Variants in ALKBH5 observed in about 807,000 individuals in gnomAD.
The protein encoded by ALKBH5 is alkB homolog 5, RNA demethylase.
ALKBH5 carries 2 observed loss-of-function variants against 32.1 expected under a neutral mutation model. That is an observed-to-expected ratio of 0.06 (90% confidence interval 0.03 to 0.20). ALKBH5 has a LOEUF of 0.20. Ranked by LOEUF, ALKBH5 falls within the 10% of genes least tolerant of loss-of-function variation. The probability of loss-of-function intolerance (pLI) is 1.00; values close to 1 mark genes in which losing one functional copy is unlikely to be tolerated. For synonymous variants in ALKBH5, 300 were observed against 231.7 expected (o/e 1.29, Z -2.68); for missense variants, 352 against 559.5 (o/e 0.63, Z 3.74).
intron 1 of ALKBH5, among the ~76,000 whole-genome samples, chr17:18,189,490 A>G (rs1393944874): frequency 6.6e-6 from 1 of 152,190 alleles, no homozygotes; most frequent in East Asian, 1.9e-4. Flanking sequence ...CATCTCTGCA[A>G]ATCTCTTTCA....
intron 2 of ALKBH5, among the ~76,000 whole-genome samples, chr17:18,199,534 A>G (rs2047224122): frequency 6.6e-6 from 1 of 152,106 alleles, no homozygotes; most frequent in African/African-American, 2.4e-5. Context: ...TTGAAACTAG[A>G]AGGTATGAAC....
At chr17:18,189,686 A>G (rs1488495987) in intron 1 of ALKBH5, among the ~76,000 whole-genome samples, 1 of 152,236 alleles carries the variant, frequency 6.6e-6, no homozygotes, top group African/African-American at 2.4e-5. Flanking sequence ...CGGGGAAATT[A>G]AGCTTTTTGA....
intron 2 of ALKBH5, among the ~76,000 whole-genome samples, chr17:18,205,615 A>G (rs1487293751): frequency 6.6e-6 from 1 of 152,190 alleles, no homozygotes; most frequent in East Asian, 1.9e-4. Context: ...CGTGACTTGC[A>G]GGATGCATGA....
chr17:18,193,953 A>G (rs1041616464), intron 1 of ALKBH5, among the ~76,000 whole-genome samples: 1 of 152,146 alleles, frequency 6.6e-6, no homozygotes, highest in African/African-American at 2.4e-5. Context: ...TGTGGCTGCC[A>G]TGCTTCCAGT....
chr17:18,206,700 C>T (rs902336009), intron 2 of ALKBH5, 115 bp from the exon 3 acceptor site: 2 of 1,162,102 alleles, frequency 1.7e-6, no homozygotes, highest in East Asian at 4.7e-5. Flanking sequence ...AGAGCAGAGA[C>T]TGCTGGCTTC....
At chr17:18,188,822 A>G (rs976428441) in intron 1 of ALKBH5, among the ~76,000 whole-genome samples, 3 of 152,212 alleles carry the variant, frequency 2.0e-5, no homozygotes, top group Admixed American at 1.3e-4. Flanking sequence ...TAATGCCAGA[A>G]CTTTGGGTGG....
intron 2 of ALKBH5, among the ~76,000 whole-genome samples, chr17:18,204,789 C>T (rs1250386763): frequency 6.6e-6 from 1 of 151,562 alleles, no homozygotes; most frequent in Non-Finnish European, 1.5e-5. Context: ...TGGAGCCGGG[C>T]TTGATGGCTC....
In ALKBH5 at chr17:18,184,425, A is replaced by C; in HGVS notation, c.182A>C (p.Gln61Pro). ...YPVSGAKRKY[Q>P]EDSDPERSDY... ...GTGTCCGGGGCCAAGCGCAAGTATC[A>C]GGAGGACTCGGACCCCGAGCGCAGC... Residue 61 changes from glutamine to proline, a missense_variant, in exon 1 of 4, where the codon CAG (glutamine) becomes CCG (proline). Transcript: ENST00000399138. 3 of 1,591,790 alleles carry C rather than the reference A, an allele frequency of 1.9e-6. No homozygotes were observed. Among genetic ancestry groups the C allele is most frequent in the Non-Finnish European group, 2.6e-6 (3 of 1,169,812 alleles).
chr17:18,198,571 T>C (rs1367100035), intron 2 of ALKBH5, among the ~76,000 whole-genome samples: 1 of 152,212 alleles, frequency 6.6e-6, no homozygotes, highest in Non-Finnish European at 1.5e-5. Context: ...GCATTGAGCC[T>C]GGCCCTGATT....
intron 2 of ALKBH5, among the ~76,000 whole-genome samples, chr17:18,201,778 G>GT (rs2047238395): frequency 9.4e-6 from 1 of 105,864 alleles, no homozygotes; most frequent in Non-Finnish European, 2.2e-5. Context: ...TAGATAGATA[G>GT]ATAGATAGGA....
At chr17:18,189,551 T>A (rs2047161299) in intron 1 of ALKBH5, among the ~76,000 whole-genome samples, 1 of 152,174 alleles carries the variant, frequency 6.6e-6, no homozygotes, top group Non-Finnish European at 1.5e-5. Flanking sequence ...CAAGGCCCCC[T>A]GGACAGGCTT....
chr17:18,192,038 C>G (rs944590331), intron 1 of ALKBH5, among the ~76,000 whole-genome samples: 1 of 152,116 alleles, frequency 6.6e-6, no homozygotes, highest in Non-Finnish European at 1.5e-5. Context: ...AGTCTAGACC[C>G]CCATTCCCCC....
intron 1 of ALKBH5, among the ~76,000 whole-genome samples, chr17:18,191,739 G>A (rs1187557623): frequency 6.6e-6 from 1 of 152,168 alleles, no homozygotes; most frequent in African/African-American, 2.4e-5. Flanking sequence ...GGAGGCCGAG[G>A]TGGGTGGATC....
Position 18,194,135 on chromosome 17 carries a change from CT to C in ALKBH5, c.771-811del, listed in dbSNP as rs935998815. 6.4e-4 allele frequency among the ~76,000 whole-genome samples: 40 copies of C among 62,626 alleles called. No individual in the cohort carries two copies. In the Admixed American group the frequency reaches 7.4e-3, roughly 12 times the overall value. 41.1% of individuals were successfully genotyped at this position (62,626 alleles called of 152,430 possible). On this transcript the variant is annotated intron_variant, in intron 1 of 3. Transcript: ENST00000399138. ...CAGATATCTGAGTATGATGGAAATC[CT>C]TTTTTTTTGGGCGGGGGGCAGGGGG...
In ALKBH5 at chr17:18,184,442, G is replaced by A; in HGVS notation, c.199G>A (p.Glu67Lys). The change falls in exon 1 of 4, where the codon GAG becomes AAG. Residue 67 changes from glutamate (E) to lysine (K), a missense_variant. Coordinates refer to ENST00000399138, the MANE Select transcript of ALKBH5 (RefSeq NM_017758.4). ...KRKYQEDSDP[E>K]RSDYEEQQLQ... is the part of the protein sequence containing the mutation. ...CAAGTATCAGGAGGACTCGGACCCC[G>A]AGCGCAGCGACTATGAGGAGCAGCA... 1 of 1,606,156 alleles carries A rather than the reference G, an allele frequency of 6.2e-7. No homozygotes were observed. The highest frequency in any genetic ancestry group is 8.5e-7 in the Non-Finnish European group (1 of 1,176,748).
chr17:18,209,422 C>G lies in ALKBH5; in HGVS notation c.*1026C>G, dbSNP rs1314061539. On this transcript the variant is annotated 3_prime_UTR_variant, in exon 4 of 4. Coordinates refer to ENST00000399138, the MANE Select transcript of ALKBH5 (RefSeq NM_017758.4). ...TAGGAAGGCGCCTGCCCCATCTTGT[C>G]TGCCGGCAGCATGCATCCAAGGCCA... 1 of 152,556 alleles carries G rather than the reference C, an allele frequency of 6.6e-6. No homozygotes were observed. Among genetic ancestry groups the G allele is most frequent in the African/African-American group, 2.4e-5 (1 of 41,414 alleles). The allele number at this position is 152,556 out of a possible 1,614,324, so 9.5% of individuals were successfully genotyped here.
At chr17:18,187,563 G>A (rs1248715113) in intron 1 of ALKBH5, among the ~76,000 whole-genome samples, 2 of 152,310 alleles carry the variant, frequency 1.3e-5, no homozygotes, top group South Asian at 2.1e-4. Context: ...GCCAAATGCC[G>A]AGGCAGGGGA....
intron 2 of ALKBH5, among the ~76,000 whole-genome samples, chr17:18,201,063 G>C (rs941024810): frequency 6.6e-6 from 1 of 152,220 alleles, no homozygotes; most frequent in Non-Finnish European, 1.5e-5. Flanking sequence ...ATCTGAATGT[G>C]AGGCTGAGTG....
intron 1 of ALKBH5, among the ~76,000 whole-genome samples, chr17:18,185,614 C>T (rs2047134653): frequency 6.6e-6 from 1 of 152,214 alleles, no homozygotes; most frequent in Admixed American, 6.5e-5. Flanking sequence ...CTCCTGGCTG[C>T]AGAAGAGCCC....
Sources: allele counts gnomAD v4.1 joint callset (sites outside exome capture counted in the v4.1 genomes callset), GRCh38; gene constraint gnomAD v4.1.1; transcripts MANE v1.5; gene names NCBI Gene and HGNC (gene_info 2026-07-23, HGNC 2026-07-21).